HECW1: variants seen among roughly 807,000 people sequenced by gnomAD.
HECW1 encodes the protein E3 ubiquitin-protein ligase HECW1.
Under a neutral mutation model 182.3 loss-of-function variants are expected in HECW1, and 61 were observed. The ratio of observed to expected loss-of-function variants is 0.33; its 90% CI spans 0.27 to 0.41. The LOEUF is 0.41. HECW1 is among the 10% of genes least tolerant of loss of function. HECW1 has a pLI of 1.00. For missense variants in HECW1, 1,739 were observed against 2,108.9 expected (o/e 0.82, Z 3.44); for synonymous variants, 859 against 832.6 (o/e 1.03, Z -0.55).
At chr7:43,467,543 G>A (rs887379088) in intron 15 of HECW1, among the ~76,000 whole-genome samples, 2 of 152,108 alleles carry the variant, frequency 1.3e-5, no homozygotes, top group Admixed American at 6.5e-5. Flanking sequence ...TAGCACTTGG[G>A]CTGCCTGACC....
intron 16 of HECW1, among the ~76,000 whole-genome samples, chr7:43,473,662 TGA>T (rs1174511085): frequency 6.6e-6 from 1 of 150,900 alleles, no homozygotes; most frequent in Non-Finnish European, 1.5e-5. Context: ...ATAGGGAAGA[TGA>T]GCAGGGGAAG....
chr7:43,221,552 T>C (rs1364976518), intron 2 of HECW1, among the ~76,000 whole-genome samples: 1 of 52,862 alleles, frequency 1.9e-5, no homozygotes, highest in African/African-American at 6.2e-5. Context: ...TTTTTTTTTT[T>C]TTTTTTTTTT....
chr7:43,468,579 C>T (rs890012616), intron 15 of HECW1, among the ~76,000 whole-genome samples: 3 of 151,916 alleles, frequency 2.0e-5, no homozygotes, highest in South Asian at 2.1e-4. Flanking sequence ...TGGAGTGCAA[C>T]GGCACAATCA....
intron 6 of HECW1, among the ~76,000 whole-genome samples, chr7:43,395,560 A>G (rs1374098578): frequency 6.6e-6 from 1 of 152,228 alleles, no homozygotes; most frequent in Non-Finnish European, 1.5e-5. Context: ...GAATTTGACA[A>G]TCTCTTATCT....
chr7:43,468,903 G>A lies in HECW1; in HGVS notation c.2914-17G>A, dbSNP rs572809893. The A allele has an allele frequency of 1.5e-5, 24 of 1,613,488 alleles. No individual in the cohort carries two copies. In the East Asian group the frequency reaches 1.8e-4, roughly 12 times the overall value. On this transcript the variant is annotated splice_polypyrimidine_tract_variant and intron_variant, in intron 15 of 29. Coordinates refer to ENST00000395891, the MANE Select transcript of HECW1 (RefSeq NM_015052.5). Reference sequence around the variant, plus strand: ...TAATTCCCCACTCCTTACCCCGTCCGCCCTGACCTGTCTCAGAGTGCCTAC... The same window carrying A: ...TAATTCCCCACTCCTTACCCCGTCCACCCTGACCTGTCTCAGAGTGCCTAC...
At chr7:43,219,861 A>G (rs1212574422) in intron 2 of HECW1, among the ~76,000 whole-genome samples, 3 of 152,104 alleles carry the variant, frequency 2.0e-5, no homozygotes, top group African/African-American at 7.2e-5. Flanking sequence ...AGACAATATG[A>G]GGGGTGGTAT....
At chr7:43,451,773 C>G (rs2077243666) in intron 12 of HECW1, among the ~76,000 whole-genome samples, 1 of 152,098 alleles carries the variant, frequency 6.6e-6, no homozygotes. Context: ...TCTAGAACAT[C>G]TCTGTTTTGG....
In HECW1 at chr7:43,380,185, T is replaced by G. The variant is rs374508740; in HGVS notation, c.556-16629T>G. On this transcript the variant is annotated intron_variant, in intron 6 of 29. Transcript: ENST00000395891. The stretch of plus-strand genomic sequence containing the variant: ...CCCCTGCCTCAGCCTCCTGAGTAGC[T>G]AGGACTACAGGCACATGCCACCACA... Among the ~76,000 whole-genome samples the G allele has an allele frequency of 9.9e-5, 15 of 152,250 alleles. No individual in the cohort carries two copies. The East Asian group carries it at 2.1e-3, about 22-fold the overall frequency.
intron 8 of HECW1, among the ~76,000 whole-genome samples, chr7:43,416,152 T>G (rs1247809556): frequency 2.0e-5 from 3 of 150,530 alleles, no homozygotes; most frequent in Non-Finnish European, 3.0e-5. Flanking sequence ...TTCCCGATCT[T>G]TGTGGTTTTA....
At chr7:43,265,007 A>C (rs1192260178) in intron 3 of HECW1, among the ~76,000 whole-genome samples, 1 of 152,178 alleles carries the variant, frequency 6.6e-6, no homozygotes, top group East Asian at 1.9e-4. Flanking sequence ...TGGATGCAAA[A>C]GTATATTTTC....
At chr7:43,172,839 G>A (rs1399538508) in intron 2 of HECW1, among the ~76,000 whole-genome samples, 1 of 152,312 alleles carries the variant, frequency 6.6e-6, no homozygotes, top group Non-Finnish European at 1.5e-5. Context: ...TGAAGGACTC[G>A]TGTGTAGGAG....
At chr7:43,262,427 G>A (rs1801286318) in intron 3 of HECW1, among the ~76,000 whole-genome samples, 1 of 152,100 alleles carries the variant, frequency 6.6e-6, no homozygotes, top group South Asian at 2.1e-4. Flanking sequence ...CACATATGAT[G>A]AAACTGAGGC....
chr7:43,330,992 A>C (rs1811394127), intron 5 of HECW1, among the ~76,000 whole-genome samples: 2 of 151,040 alleles, frequency 1.3e-5, no homozygotes, highest in Admixed American at 1.3e-4. Context: ...TATTTATTTT[A>C]TTTTTTTATA....
rs745720386 is a variant in HECW1 at position 43,444,792 on chromosome 7, C to G, written c.1620C>G (p.Ser540=). The change falls in exon 11 of 30, where the codon TCC becomes TCG. Residue 540 remains serine, a synonymous_variant. Coordinates refer to ENST00000395891, the MANE Select transcript of HECW1 (RefSeq NM_015052.5). This position sits in a 1 kb window ranked among gnomAD's most constrained non-coding sequence, Gnocchi z 4.3. ...RKSRPCSLPV[S]ELETVIASAC... Reference sequence around the variant, plus strand: ...GCAGGCCCTGCTCCTTGCCTGTGTCCGAGCTGGAGACGGTGATCGCGTCAG... The same window carrying G: ...GCAGGCCCTGCTCCTTGCCTGTGTCGGAGCTGGAGACGGTGATCGCGTCAG... The G allele has an allele frequency of 1.9e-6, 3 of 1,614,102 alleles. No homozygotes were observed. The highest frequency in any genetic ancestry group is 2.5e-6 in the Non-Finnish European group (3 of 1,180,034).
At chr7:43,420,792 T>G (rs1039069841) in intron 8 of HECW1, among the ~76,000 whole-genome samples, 7 of 152,136 alleles carry the variant, frequency 4.6e-5, no homozygotes, top group African/African-American at 1.7e-4. Flanking sequence ...TGAGAGAAAT[T>G]TAAAACAGCC....
chr7:43,294,663 A>G (rs1805815407), intron 3 of HECW1, among the ~76,000 whole-genome samples: 1 of 152,188 alleles, frequency 6.6e-6, no homozygotes, highest in Non-Finnish European at 1.5e-5. Flanking sequence ...ACCTGCTGAC[A>G]TTGGGAGAGC....
intron 13 of HECW1, among the ~76,000 whole-genome samples, chr7:43,458,640 G>A (rs1307019692): frequency 6.6e-6 from 1 of 152,204 alleles, no homozygotes; most frequent in Non-Finnish European, 1.5e-5. Flanking sequence ...ATAACCTTCA[G>A]ATAAGTATCC....
At chr7:43,320,807 T>G in intron 5 of HECW1, 65 bp downstream of exon 5, 2 of 1,225,118 alleles carry the variant, frequency 1.6e-6, no homozygotes, top group Admixed American at 1.7e-5. Context: ...ACTGTTTCAT[T>G]ATTTGTTCCC....
intron 2 of HECW1, among the ~76,000 whole-genome samples, chr7:43,141,342 T>G (rs574058272): frequency 6.8e-4 from 104 of 152,322 alleles, no homozygotes; most frequent in African/African-American, 2.4e-3. Flanking sequence ...ACAGGCACGC[T>G]GACCCCCTGC....
Sources: allele counts gnomAD v4.1 joint callset (sites outside exome capture counted in the v4.1 genomes callset), GRCh38; gene constraint gnomAD v4.1.1; non-coding constraint Gnocchi (gnomAD v3.1); transcripts MANE v1.5; gene names NCBI Gene and HGNC (gene_info 2026-07-23, HGNC 2026-07-21).